The following TMEM214 variants were observed in gnomAD, a reference collection of about 807,000 sequenced individuals.
TMEM214 encodes the protein transmembrane protein 214.
In TMEM214, 71 loss-of-function variants were observed where a neutral mutation model predicts 89.8. The ratio of observed to expected loss-of-function variants is 0.79; its 90% CI spans 0.65 to 0.96. TMEM214 has a LOEUF of 0.96. Among genes scored for constraint, TMEM214 ranks in the 40% least tolerant of loss-of-function variants. TMEM214 has a pLI of 0.00. For missense variants in TMEM214, 754 were observed against 843.4 expected, an observed-to-expected ratio of 0.89 and a Z score of 1.31; for synonymous variants, 332 against 349.5, an observed-to-expected ratio of 0.95 and a Z score of 0.56.
At position 27,037,847 on chromosome 2, in the gene TMEM214, C is replaced by G. The variant is rs567146480; in HGVS notation, c.1152+145C>G. The G allele has an allele frequency of 5.1e-6, 8 of 1,568,832 alleles. No homozygotes were observed. The Admixed American group carries it at 5.7e-5, about 11-fold the overall frequency. On this transcript the variant is annotated intron_variant, in intron 9 of 16. Coordinates refer to ENST00000238788, the MANE Select transcript of TMEM214 (RefSeq NM_017727.5). ...TTGACAGCTGCCTGCCCCGCTCACT[C>G]GAGCTTCACCCTCAGAAGATGGATC...
chr2:27,037,811 T>G (rs772358327), intron 9 of TMEM214, 109 bp downstream of exon 9: 2 of 1,606,598 alleles, frequency 1.2e-6, no homozygotes, highest in Non-Finnish European at 1.7e-6. Flanking sequence ...AGGCTTTTCC[T>G]TAGCTCCCTG....
At position 27,035,716 on chromosome 2, in the gene TMEM214, G is replaced by T; in HGVS notation, c.625G>T (p.Asp209Tyr). The change falls in exon 4 of 17, where the codon GAT becomes TAT. Residue 209 changes from aspartate to tyrosine, a missense_variant. Asp to Tyr is a radical substitution (Grantham distance 160). Transcript: ENST00000238788. ...HCLFTMLQELDKTPGESLHGY... is the reference protein window; with the variant it reads ...HCLFTMLQELYKTPGESLHGY... ...TCTGTTCACCATGTTGCAAGAGCTG[G>T]ATAAGACACCAGGTGAAAGGGGCAC... 1 of 1,614,216 alleles carries T rather than the reference G, an allele frequency of 6.2e-7. No homozygotes were observed. Among genetic ancestry groups the T allele is most frequent in the African/African-American group, 1.3e-5 (1 of 75,054 alleles).
chr2:27,037,854 C>A, intron 9 of TMEM214, 152 bp downstream of exon 9: 1 of 1,564,692 alleles, frequency 6.4e-7, no homozygotes, highest in South Asian at 1.2e-5. Context: ...ACTCGAGCTT[C>A]ACCCTCAGAA....
chr2:27,039,685 C>T, intron 13 of TMEM214, 56 bp from the exon 14 acceptor site: 1 of 1,459,364 alleles, frequency 6.9e-7, no homozygotes, highest in East Asian at 2.3e-5. Context: ...TAGTGTCTGT[C>T]TCCCCAGTCC....
chr2:27,038,078 C>G lies in TMEM214; in HGVS notation c.1153-68C>G. The G allele has an allele frequency of 6.2e-7, 1 of 1,612,890 alleles. No homozygotes were observed. The highest frequency in any genetic ancestry group is 8.5e-7 in the Non-Finnish European group (1 of 1,179,828). On this transcript the variant is annotated intron_variant, in intron 9 of 16. Transcript: ENST00000238788. This position sits in a 1 kb window ranked among gnomAD's most constrained non-coding sequence, Gnocchi z 4.4. ...GCCTTGCTTACGGGAAGGGGATCACCTCTTAGCACTCCCCGCCTCTGCCAG... is the reference window on the plus strand; with the variant it reads ...GCCTTGCTTACGGGAAGGGGATCACGTCTTAGCACTCCCCGCCTCTGCCAG...
At chr2:27,040,315 C>T (rs758660332) in intron 15 of TMEM214, 30 bp from the exon 16 acceptor site, 15 of 1,613,422 alleles carry the variant, frequency 9.3e-6, no homozygotes, top group Admixed American at 1.7e-5. Flanking sequence ...TCCCTGGATA[C>T]TCTGACCCCA....
Position 27,038,349 on chromosome 2 carries a change from G to A in TMEM214, c.1244+112G>A, listed in dbSNP as rs991241530. On this transcript the variant is annotated intron_variant, in intron 10 of 16. Coordinates refer to ENST00000238788, the MANE Select transcript of TMEM214 (RefSeq NM_017727.5). The surrounding 1 kb of genome is among the most constrained non-coding windows in gnomAD (Gnocchi z 4.4). ...GCTGAGTGGGAACATTGCTGGAGCA[G>A]CCTCTAGGAAGCTGCTGCTCTGTGG... 7.2e-6 allele frequency: 11 copies of A among 1,537,038 alleles called. No individual in the cohort carries two copies. The East Asian group carries it at 1.4e-4, about 19-fold the overall frequency.
chr2:27,034,318 A>T (rs775841646), intron 2 of TMEM214, 52 bp downstream of exon 2: 2 of 1,585,200 alleles, frequency 1.3e-6, no homozygotes, highest in African/African-American at 2.7e-5. Flanking sequence ...TGAGATTTAG[A>T]GAAGATGAGA....
intron 14 of TMEM214, 25 bp from the exon 15 acceptor site, chr2:27,040,005 C>T: frequency 6.3e-7 from 1 of 1,598,416 alleles, no homozygotes; most frequent in Middle Eastern, 1.7e-4. Flanking sequence ...TCAGAGCCCT[C>T]TTCCCCCACT....
At chr2:27,039,346 C>T (rs1216076130) in intron 13 of TMEM214, 182 bp downstream of exon 13, 1 of 610,574 alleles carries the variant, frequency 1.6e-6, no homozygotes, top group Non-Finnish European at 2.9e-6. Flanking sequence ...TCAGATTGGA[C>T]TAGGACTTCG....
chr2:27,037,043 G>A, intron 7 of TMEM214, 34 bp from the exon 8 acceptor site: 1 of 1,578,812 alleles, frequency 6.3e-7, no homozygotes, highest in Non-Finnish European at 8.7e-7. Context: ...CATGGGTGGT[G>A]GTGTCCAGCG....
In TMEM214 at chr2:27,040,855, A is replaced by G. The variant is rs1293225702; in HGVS notation, c.*18A>G. 1 of 1,610,528 alleles carries G rather than the reference A, an allele frequency of 6.2e-7. No homozygotes were observed. The highest frequency in any genetic ancestry group is 1.1e-5 in the South Asian group (1 of 91,048). Reference sequence around the variant, plus strand: ...AGCAGTAGGCCCTGCCTTCCTGGCCACTGATTTCTGCATGGGTAGACCATC... The same window carrying G: ...AGCAGTAGGCCCTGCCTTCCTGGCCGCTGATTTCTGCATGGGTAGACCATC... On this transcript the variant is annotated 3_prime_UTR_variant, in exon 17 of 17. Coordinates refer to ENST00000238788, the MANE Select transcript of TMEM214 (RefSeq NM_017727.5).
Position 27,036,018 on chromosome 2 carries a change from A to G in TMEM214, c.686A>G (p.Asp229Gly), listed in dbSNP as rs1468650392. The G allele has an allele frequency of 1.2e-6, 2 of 1,614,080 alleles. No homozygotes were observed. The highest frequency in any genetic ancestry group is 2.2e-5 in the East Asian group (1 of 44,888). ...YRICIQAILQDKPKIATANLG... is the reference protein window; with the variant it reads ...YRICIQAILQGKPKIATANLG... ...ATCTGTATCCAGGCCATCCTGCAAG[A>G]CAAGCCCAAGATTGCCACGGCAAAC... The change falls in exon 5 of 17, where the codon GAC becomes GGC. Residue 229 changes from aspartate (D) to glycine (G), a missense_variant. Physicochemically the swap from Asp to Gly is moderately conservative, Grantham distance 94. Transcript: ENST00000238788.
chr2:27,035,100 G>A lies in TMEM214; in HGVS notation c.352-35G>A, dbSNP rs764837669. ...TTCTTTACTCCCTCACTCACAACTC[G>A]CCATGGTGGGGGGTTGGGGGATTGT... On this transcript the variant is annotated intron_variant, in intron 2 of 16. Coordinates refer to ENST00000238788, the MANE Select transcript of TMEM214 (RefSeq NM_017727.5). 3.8e-5 allele frequency: 61 copies of A among 1,610,436 alleles called. No individual in the cohort carries two copies. The Middle Eastern group carries it at 5.3e-4, about 14-fold the overall frequency.
chr2:27,037,766 C>G, intron 9 of TMEM214, 64 bp downstream of exon 9: 1 of 1,613,810 alleles, frequency 6.2e-7, no homozygotes, highest in Non-Finnish European at 8.5e-7. Context: ...TCCCTATCTG[C>G]TGACAAAGGC....
At position 27,038,505 on chromosome 2, in the gene TMEM214, C is replaced by T. The variant is rs753974801; in HGVS notation, c.1266C>T (p.Leu422=). The part of the protein sequence containing the change: ...SQSSLLLEHL[L]SSWEQIPKKV... ...ACAGCCTTCTGCTGGAGCACTTGCT[C>T]AGCTCCTGGGAGCAGATTCCCAAGA... The change falls in exon 11 of 17, where the codon CTC becomes CTT. Residue 422 remains leucine, a synonymous_variant. Coordinates refer to ENST00000238788, the MANE Select transcript of TMEM214 (RefSeq NM_017727.5). This position sits in a 1 kb window ranked among gnomAD's most constrained non-coding sequence, Gnocchi z 4.4. The T allele has an allele frequency of 5.6e-6, 9 of 1,613,970 alleles. No homozygotes were observed. Among genetic ancestry groups the T allele is most frequent in the African/African-American group, 2.7e-5 (2 of 74,910 alleles).
chr2:27,038,105 C>T lies in TMEM214; in HGVS notation c.1153-41C>T, dbSNP rs781463367. ...CTTAGCACTCCCCGCCTCTGCCAGC[C>T]CCATGCCCCCAGCAGCCTCTCCCTC... On this transcript the variant is annotated intron_variant, in intron 9 of 16. Coordinates refer to ENST00000238788, the MANE Select transcript of TMEM214 (RefSeq NM_017727.5). The surrounding 1 kb of genome is among the most constrained non-coding windows in gnomAD (Gnocchi z 4.4). The T allele has an allele frequency of 6.2e-7, 1 of 1,613,884 alleles. No homozygotes were observed. The highest frequency in any genetic ancestry group is 8.5e-7 in the Non-Finnish European group (1 of 1,179,972).
At position 27,038,544 on chromosome 2, in the gene TMEM214, G is replaced by C. The variant is rs1667673481; in HGVS notation, c.1293+12G>C. 1 of 1,613,960 alleles carries C rather than the reference G, an allele frequency of 6.2e-7. No individual in the cohort carries two copies. The highest frequency in any genetic ancestry group is 8.5e-7 in the Non-Finnish European group (1 of 1,179,980). On this transcript the variant is annotated intron_variant, in intron 11 of 16. Coordinates refer to ENST00000238788, the MANE Select transcript of TMEM214 (RefSeq NM_017727.5). The surrounding 1 kb of genome is among the most constrained non-coding windows in gnomAD (Gnocchi z 4.4). ...AGATTCCCAAGAAGGTGAGGAGCTG[G>C]GAGGACGTGGCAGGTTGAGCCCTGT...
intron 8 of TMEM214, 109 bp downstream of exon 8, chr2:27,037,287 C>T: frequency 3.0e-6 from 3 of 1,011,068 alleles, no homozygotes; most frequent in Non-Finnish European, 4.6e-6. Context: ...GATTTGCAAC[C>T]TGGAAGTTCA....
Sources: gnomAD v4.1 joint callset for allele counts on GRCh38, gnomAD v4.1.1 for gene constraint, Gnocchi (gnomAD v3.1) non-coding constraint, MANE v1.5 for transcripts, NCBI Gene and HGNC (gene_info 2026-07-23, HGNC 2026-07-21) for gene names.